Variants in GPBP1 observed in about 807,000 individuals in gnomAD.
The protein encoded by GPBP1 is GC-rich promoter binding protein 1, also known as vasculin.
A neutral mutation model predicts 56.5 loss-of-function variants in GPBP1; 13 were observed. That is an observed-to-expected ratio of 0.23 (90% CI 0.15 to 0.37). GPBP1 has a LOEUF of 0.37. Ranked by LOEUF, GPBP1 falls within the 10% of genes least tolerant of loss-of-function variation. The probability of loss-of-function intolerance (pLI) is 1.00; values close to 1 mark genes in which losing one functional copy is unlikely to be tolerated. For missense variants in GPBP1, 477 were observed against 572.3 expected (o/e 0.83, Z 1.70); for synonymous variants, 204 against 188.9 (o/e 1.08, Z -0.66).
chr5:57,190,741 T>G (rs1754487102), intron 2 of GPBP1, among the ~76,000 whole-genome samples: 1 of 128,586 alleles, frequency 7.8e-6, no homozygotes, highest in South Asian at 2.8e-4. Context: ...AAGGTCTTGC[T>G]CTGTCACCCA....
At position 57,221,401 on chromosome 5, in the gene GPBP1, G is replaced by A. The variant is rs113833859; in HGVS notation, c.63+7208G>A. On this transcript the variant is annotated intron_variant, in intron 3 of 11. Coordinates refer to ENST00000506184, the MANE Select transcript of GPBP1 (RefSeq NM_022913.4). ...GTCCTGACCAGCAGTTTGAAAGTAA[G>A]TATTACTGAAAGAATATTGAACAGA... 2.8e-4 allele frequency: 425 copies of A among 1,507,966 alleles called. 1 individual carries two copies. In the African/African-American group the frequency reaches 4.9e-3, roughly 17 times the overall value. 93.4% of individuals were successfully genotyped at this position (1,507,966 alleles called of 1,614,324 possible). A position where few individuals can be genotyped will look rare whatever the true frequency, so the allele number is the denominator to read the frequency against.
intron 10 of GPBP1, among the ~76,000 whole-genome samples, chr5:57,256,398 A>AT (rs71602995): frequency 2.2e-4 from 33 of 152,054 alleles, no homozygotes; most frequent in African/African-American, 7.7e-4. Context: ...ATATGTTTTA[A>AT]TTTTTTTTGA....
intron 2 of GPBP1, among the ~76,000 whole-genome samples, chr5:57,195,997 AAAAAAAAAAT>A (rs1257409393): frequency 2.7e-5 from 4 of 149,860 alleles, no homozygotes; most frequent in African/African-American, 9.8e-5. Context: ...AAAAAAAAAA[AAAAAAAAAAT>A]TTTTTTTTTT....
chr5:57,247,419 C>T (rs1454877697), intron 8 of GPBP1, among the ~76,000 whole-genome samples: 1 of 152,056 alleles, frequency 6.6e-6, no homozygotes, highest in Non-Finnish European at 1.5e-5. Flanking sequence ...ATGAAAATTC[C>T]CAGCTCATTC....
At chr5:57,224,202 A>G (rs1325761494) in intron 3 of GPBP1, among the ~76,000 whole-genome samples, 1 of 151,174 alleles carries the variant, frequency 6.6e-6, no homozygotes, top group Non-Finnish European at 1.5e-5. Flanking sequence ...GCTGGAGTAC[A>G]GTGGCGTGAT....
chr5:57,210,257 A>G (rs1755415821), intron 2 of GPBP1, among the ~76,000 whole-genome samples: 1 of 152,192 alleles, frequency 6.6e-6, no homozygotes, highest in Non-Finnish European at 1.5e-5. Context: ...TTTTTTTCAG[A>G]ACCAGCTTTC....
intron 6 of GPBP1, among the ~76,000 whole-genome samples, chr5:57,238,957 A>G (rs1361067436): frequency 2.0e-5 from 3 of 152,224 alleles, no homozygotes; most frequent in African/African-American, 4.8e-5. Context: ...CCACAAGCAT[A>G]CAGATTGAGT....
intron 10 of GPBP1, among the ~76,000 whole-genome samples, chr5:57,260,550 G>A (rs1220541240): frequency 1.3e-5 from 2 of 152,124 alleles, no homozygotes. Context: ...GTTGAAACAT[G>A]TTATCACAAG....
chr5:57,174,409 G>A (rs566899815), intron 1 of GPBP1, among the ~76,000 whole-genome samples, 198 bp downstream of exon 1: 2 of 152,056 alleles, frequency 1.3e-5, no homozygotes, highest in African/African-American at 2.4e-5. Flanking sequence ...GACTCGGCCC[G>A]GGTGGAGCGG....
chr5:57,207,148 G>T (rs1755266922), intron 2 of GPBP1, among the ~76,000 whole-genome samples: 1 of 144,566 alleles, frequency 6.9e-6, no homozygotes, highest in Non-Finnish European at 1.6e-5. Context: ...TTTTTCCTAA[G>T]AAGATCTACA....
At position 57,231,548 on chromosome 5, in the gene GPBP1, C is replaced by T. The variant is rs551971938; in HGVS notation, c.411+227C>T. ...TCAGCCTCCCAAAGTGCTGGGATTA[C>T]AGCCACTGTGCCACTGCGCACTGAG... is the stretch of plus-strand genomic sequence containing the variant. On this transcript the variant is annotated intron_variant, in intron 5 of 11. Coordinates refer to ENST00000506184, the MANE Select transcript of GPBP1 (RefSeq NM_022913.4). Among the ~76,000 whole-genome samples the T allele has an allele frequency of 2.0e-5, 3 of 152,300 alleles. No homozygotes were observed. The South Asian group carries it at 6.2e-4, about 32-fold the overall frequency.
chr5:57,261,128 T>G (rs112443239), intron 10 of GPBP1, 52 bp from the exon 11 acceptor site: 9 of 1,074,866 alleles, frequency 8.4e-6, no homozygotes, highest in Admixed American at 7.0e-5. Context: ...TAAATGATAC[T>G]GTCCTACTCA....
intron 2 of GPBP1, among the ~76,000 whole-genome samples, chr5:57,180,363 A>G (rs1006981522): frequency 4.6e-5 from 7 of 151,954 alleles, no homozygotes; most frequent in Non-Finnish European, 1.0e-4. Context: ...TCAGATGATC[A>G]CCTGCCTCAG....
chr5:57,258,120 C>T (rs577633696), intron 10 of GPBP1, among the ~76,000 whole-genome samples: 3 of 151,872 alleles, frequency 2.0e-5, no homozygotes, highest in Non-Finnish European at 2.9e-5. Context: ...GAGAAGCCAC[C>T]GAAAATATTT....
intron 6 of GPBP1, among the ~76,000 whole-genome samples, chr5:57,245,165 C>CT (rs987747870): frequency 3.0e-4 from 45 of 152,198 alleles, no homozygotes; most frequent in African/African-American, 9.1e-4. Flanking sequence ...TTATATTGGG[C>CT]TTTTTTTAGA....
chr5:57,236,951 T>A, intron 6 of GPBP1: 1 of 624,456 alleles, frequency 1.6e-6, no homozygotes, highest in Non-Finnish European at 2.9e-6. Context: ...ATTGTATGTA[T>A]GAGGTGAAAC....
intron 3 of GPBP1, among the ~76,000 whole-genome samples, chr5:57,223,266 T>C (rs891514212): frequency 6.6e-6 from 1 of 152,140 alleles, no homozygotes; most frequent in Non-Finnish European, 1.5e-5. Flanking sequence ...AATTTTTGTA[T>C]TTTTAGTAGA....
In GPBP1 at chr5:57,195,108, G is replaced by A. The variant is rs142106777; in HGVS notation, c.-58+18708G>A. ...TGCAATGAGAATAAAAATTTTCCAT[G>A]TATAAGATCAGTGTCTTTGAACTTT... is the stretch of plus-strand genomic sequence containing the variant. On this transcript the variant is annotated intron_variant, in intron 2 of 11. Coordinates refer to ENST00000506184, the MANE Select transcript of GPBP1 (RefSeq NM_022913.4). Among the ~76,000 whole-genome samples the A allele has an allele frequency of 2.8e-3, 422 of 152,044 alleles. 2 individuals are homozygous for A. The highest frequency in any genetic ancestry group is 9.8e-3 in the African/African-American group (406 of 41,480).
chr5:57,193,100 T>C (rs1247052876), intron 2 of GPBP1, among the ~76,000 whole-genome samples: 1 of 152,088 alleles, frequency 6.6e-6, no homozygotes, highest in East Asian at 1.9e-4. Flanking sequence ...GTGGATCACC[T>C]AAGGTCAGGA....
Sources: allele counts gnomAD v4.1 joint callset (sites outside exome capture counted in the v4.1 genomes callset), GRCh38; gene constraint gnomAD v4.1.1; transcripts MANE v1.5; gene names NCBI Gene and HGNC (gene_info 2026-07-23, HGNC 2026-07-21).